The following NOP10 variants were observed in gnomAD, a reference collection of about 807,000 sequenced individuals.
NOP10 encodes the protein NOP10 ribonucleoprotein.
Under a neutral mutation model 9.5 loss-of-function variants are expected in NOP10, and 6 were observed. The ratio of observed to expected loss-of-function variants is 0.63; its 90% CI spans 0.35 to 1.25. The LOEUF (loss-of-function observed/expected upper bound fraction) is 1.25, where lower values mean the gene tolerates loss of function less well. Ranked by LOEUF, NOP10 falls within the 50% of genes most tolerant of loss-of-function variation. NOP10 has a pLI of 0.03. For synonymous variants in NOP10, 28 were observed against 30.7 expected (o/e 0.91, Z 0.29); for missense variants, 75 against 81.3 (o/e 0.92, Z 0.30).
rs768901406 is a variant in NOP10, at chr15:34,341,957, T to G, written c.*11A>C. The G allele has an allele frequency of 6.2e-7, 1 of 1,613,412 alleles. No individual in the cohort carries two copies. The highest frequency in any genetic ancestry group is 8.5e-7 in the Non-Finnish European group (1 of 1,179,934). ...AACAGGTGGCAGAAAAGACATCAGTTTAAGGGACCCTCAGAGGACAGGGCG... is the reference window on the plus strand; with the variant it reads ...AACAGGTGGCAGAAAAGACATCAGTGTAAGGGACCCTCAGAGGACAGGGCG... On this transcript the variant is annotated 3_prime_UTR_variant, in exon 2 of 2. Transcript: ENST00000328848.
chr15:34,343,133 C>T lies in NOP10; in HGVS notation c.-60G>A. ...ACCGCTCAGTCTGCAGTGGTCCGCC[C>T]GACCGCGTCACGTGTTCGTCAATTT... On this transcript the variant is annotated 5_prime_UTR_variant, in exon 1 of 2. Transcript: ENST00000328848. 2.0e-6 allele frequency: 3 copies of T among 1,507,944 alleles called. No individual in the cohort carries two copies. Among genetic ancestry groups the T allele is most frequent in the Non-Finnish European group, 2.8e-6 (3 of 1,083,022 alleles). The allele number at this position is 1,507,944 out of a possible 1,614,324, so 93.4% of individuals were successfully genotyped here.
Position 34,341,838 on chromosome 15 carries a change from T to C in NOP10, c.*130A>G. The C allele has an allele frequency of 1.1e-6, 1 of 928,114 alleles. No homozygotes were observed. The highest frequency in any genetic ancestry group is 1.7e-6 in the Non-Finnish European group (1 of 582,848). 57.5% of individuals were successfully genotyped at this position (928,114 alleles called of 1,614,324 possible). A position where few individuals can be genotyped will look rare whatever the true frequency, so the allele number is the denominator to read the frequency against. On this transcript the variant is annotated 3_prime_UTR_variant, in exon 2 of 2. Coordinates refer to ENST00000328848, the MANE Select transcript of NOP10 (RefSeq NM_018648.4). ...GATTGCCTCACACAAGCATAATCAA[T>C]CGCCACGAGAGACTGGATGCCAAAG... is the stretch of plus-strand genomic sequence containing the variant.
Position 34,342,107 on chromosome 15 carries a change from T to C in NOP10, c.56A>G (p.Lys19Arg). The change falls in exon 2 of 2, where the codon AAA (lysine) becomes AGA (arginine). Residue 19 changes from lysine (K) to arginine (R), a missense_variant and splice_region_variant. By Grantham distance (26) the Lys-to-Arg change is conservative. Coordinates refer to ENST00000328848, the MANE Select transcript of NOP10 (RefSeq NM_018648.4). ...GGTCTGTTGTCCCATCGGGTCAAAT[T>C]TCTGCTCCAGGAACACAGAATGTAT... ...EQGDRVYTLK[K>R]FDPMGQQTCS... is the part of the protein sequence containing the mutation. 5.0e-6 allele frequency: 8 copies of C among 1,614,078 alleles called. No homozygotes were observed. Among genetic ancestry groups the C allele is most frequent in the Non-Finnish European group, 5.9e-6 (7 of 1,179,978 alleles).
chr15:34,341,908 T>G lies in NOP10; in HGVS notation c.*60A>C. ...CATCAGGGCTCACAGTCCGAAGAGT[T>G]TGGTTACGGAGTCTCCGAGGGGTAA... On this transcript the variant is annotated 3_prime_UTR_variant, in exon 2 of 2. Transcript: ENST00000328848. 1 of 1,573,818 alleles carries G rather than the reference T, an allele frequency of 6.4e-7. No individual in the cohort carries two copies.
Position 34,342,025 on chromosome 15 carries a change from G to A in NOP10, c.138C>T (p.Ile46=), listed in dbSNP as rs1890485606. 6.2e-7 allele frequency: 1 copy of A among 1,614,152 alleles called. No individual in the cohort carries two copies. Among genetic ancestry groups the A allele is most frequent in the Non-Finnish European group, 8.5e-7 (1 of 1,180,012 alleles). Residue 46 remains isoleucine, a synonymous_variant, in exon 2 of 2, where the codon ATC becomes ATT. Coordinates refer to ENST00000328848, the MANE Select transcript of NOP10 (RefSeq NM_018648.4). The part of the protein sequence containing the change: ...SPDDKYSRHR[I]TIKKRFKVLM... The stretch of plus-strand genomic sequence containing the variant: ...GCACCTTGAAGCGTTTCTTGATGGT[G>A]ATTCGGTGTCGAGAGTATTTGTCAT...
At chr15:34,342,458 G>A (rs1463685479) in intron 1 of NOP10, among the ~76,000 whole-genome samples, 1 of 147,908 alleles carries the variant, frequency 6.8e-6, no homozygotes, top group Non-Finnish European at 1.5e-5. Flanking sequence ...CAACTACTCG[G>A]GAGGCTGAGG....
At position 34,343,018 on chromosome 15, in the gene NOP10, A is replaced by T; in HGVS notation, c.54+2T>A. 6.2e-7 allele frequency: 1 copy of T among 1,613,272 alleles called. No individual in the cohort carries two copies. Among genetic ancestry groups the T allele is most frequent in the Non-Finnish European group, 8.5e-7 (1 of 1,179,564 alleles). On this transcript the variant is annotated splice_donor_variant, in intron 1 of 1. Coordinates refer to ENST00000328848, the MANE Select transcript of NOP10 (RefSeq NM_018648.4). LOFTEE classifies it high-confidence loss of function. The stretch of plus-strand genomic sequence containing the variant: ...TATTTACACCCTGTTTTCTCTCCTC[A>T]CCTTCAGCGTATAGACTCGATCTCC...
Position 34,343,132 on chromosome 15 carries a change from C to G in NOP10, c.-59G>C, listed in dbSNP as rs752462785. On this transcript the variant is annotated 5_prime_UTR_variant, in exon 1 of 2. Coordinates refer to ENST00000328848, the MANE Select transcript of NOP10 (RefSeq NM_018648.4). ...CACCGCTCAGTCTGCAGTGGTCCGC[C>G]CGACCGCGTCACGTGTTCGTCAATT... is the stretch of plus-strand genomic sequence containing the variant. The G allele has an allele frequency of 6.6e-7, 1 of 1,509,556 alleles. No individual in the cohort carries two copies. The highest frequency in any genetic ancestry group is 9.2e-7 in the Non-Finnish European group (1 of 1,084,526). The allele number at this position is 1,509,556 out of a possible 1,614,324, so 93.5% of individuals were successfully genotyped here.
rs1292409542 is a variant in NOP10 at position 34,343,027 on chromosome 15, GTA to G, written c.45_46del (p.Thr16AlafsTer5). ...CCTGTTTTCTCTCCTCACCTTCAGC[GTA>G]TAGACTCGATCTCCCTGCTCGTTGA... On this transcript the variant is annotated frameshift_variant, in exon 1 of 2. Transcript: ENST00000328848. LOFTEE classifies it high-confidence loss of function. The G allele has an allele frequency of 6.2e-7, 1 of 1,613,734 alleles. No homozygotes were observed. The highest frequency in any genetic ancestry group is 8.5e-7 in the Non-Finnish European group (1 of 1,179,856).
rs751282990 is a variant in NOP10, at chr15:34,343,096, C to T, written c.-23G>A. The T allele has an allele frequency of 6.2e-7, 1 of 1,613,320 alleles. No individual in the cohort carries two copies. On this transcript the variant is annotated 5_prime_UTR_variant, in exon 1 of 2. Transcript: ENST00000328848. ...CATGATCGCTTATAAGCCAGCGGTC[C>T]CAATTCGGTCCACCGCTCAGTCTGC...
In NOP10 at chr15:34,343,112, C is replaced by A. The variant is rs1255062516; in HGVS notation, c.-39G>T. ...CCAGCGGTCCCAATTCGGTCCACCG[C>A]TCAGTCTGCAGTGGTCCGCCCGACC... On this transcript the variant is annotated 5_prime_UTR_variant, in exon 1 of 2. Transcript: ENST00000328848. 5.0e-6 allele frequency: 8 copies of A among 1,607,584 alleles called. No homozygotes were observed. The highest frequency in any genetic ancestry group is 6.8e-6 in the Non-Finnish European group (8 of 1,174,024).
chr15:34,342,076 T>A lies in NOP10; in HGVS notation c.87A>T (p.Ser29=). 1 of 1,614,126 alleles carries A rather than the reference T, an allele frequency of 6.2e-7. No homozygotes were observed. Among genetic ancestry groups the A allele is most frequent in the Non-Finnish European group, 8.5e-7 (1 of 1,180,010 alleles). ...KFDPMGQQTC[S]AHPARFSPDD... ...CTGGGGAGAACCGAGCAGGATGGGC[T>A]GAGCAGGTCTGTTGTCCCATCGGGT... The change falls in exon 2 of 2, where the codon TCA becomes TCT. Residue 29 remains serine (S), a synonymous_variant. Transcript: ENST00000328848.
intron 1 of NOP10, among the ~76,000 whole-genome samples, chr15:34,342,530 C>T (rs1441623651): frequency 7.1e-6 from 1 of 141,586 alleles, no homozygotes; most frequent in Non-Finnish European, 1.5e-5. Flanking sequence ...CACCACCGCA[C>T]TACAGCCTAG....
At chr15:34,342,225 C>A in intron 1 of NOP10, 117 bp from the exon 2 acceptor site, 2 of 923,060 alleles carry the variant, frequency 2.2e-6, no homozygotes, top group East Asian at 2.5e-5. Flanking sequence ...AAAAGTTGTA[C>A]AAATAAATAG....
At position 34,341,835 on chromosome 15, in the gene NOP10, C is replaced by T; in HGVS notation, c.*133G>A. On this transcript the variant is annotated 3_prime_UTR_variant, in exon 2 of 2. Transcript: ENST00000328848. ...CATGATTGCCTCACACAAGCATAATCAATCGCCACGAGAGACTGGATGCCA... is the reference window on the plus strand; with the variant it reads ...CATGATTGCCTCACACAAGCATAATTAATCGCCACGAGAGACTGGATGCCA... 1.1e-6 allele frequency: 1 copy of T among 908,202 alleles called. No individual in the cohort carries two copies. The highest frequency in any genetic ancestry group is 1.8e-6 in the Non-Finnish European group (1 of 565,192). 56.3% of individuals were successfully genotyped at this position (908,202 alleles called of 1,614,324 possible).
chr15:34,342,967 C>T, intron 1 of NOP10, 53 bp downstream of exon 1: 2 of 1,524,784 alleles, frequency 1.3e-6, no homozygotes, highest in African/African-American at 1.4e-5. Context: ...TCACCCACTC[C>T]TCCCATCTAC....
intron 1 of NOP10, 121 bp from the exon 2 acceptor site, chr15:34,342,229 T>C: frequency 5.5e-6 from 5 of 906,300 alleles, no homozygotes; most frequent in Non-Finnish European, 7.2e-6. Context: ...GTTGTACAAA[T>C]AAATAGAGAA....
intron 1 of NOP10, 145 bp downstream of exon 1, chr15:34,342,875 G>T: frequency 5.1e-6 from 4 of 787,370 alleles, no homozygotes; most frequent in Non-Finnish European, 8.9e-6. Context: ...TAAAAAATGA[G>T]TCGCGCGGTC....
Position 34,342,099 on chromosome 15 carries a change from G to A in NOP10, c.64C>T (p.Pro22Ser), listed in dbSNP as rs1890487224. 1.9e-6 allele frequency: 3 copies of A among 1,613,912 alleles called. No individual in the cohort carries two copies. The highest frequency in any genetic ancestry group is 1.3e-5 in the African/African-American group (1 of 74,864). ...DRVYTLKKFD[P>S]MGQQTCSAHP... is the part of the protein sequence containing the mutation. ...GCTGAGCAGGTCTGTTGTCCCATCG[G>A]GTCAAATTTCTGCTCCAGGAACACA... The change falls in exon 2 of 2, where the codon CCG becomes TCG. Residue 22 changes from proline to serine, a missense_variant. Transcript: ENST00000328848.
Sources: allele counts gnomAD v4.1 joint callset (sites outside exome capture counted in the v4.1 genomes callset), GRCh38; gene constraint gnomAD v4.1.1; transcripts MANE v1.5; gene names NCBI Gene and HGNC (gene_info 2026-07-23, HGNC 2026-07-21).